Variants in SCHIP1 observed in about 807,000 individuals in gnomAD.
SCHIP1 encodes the protein schwannomin-interacting protein 1.
A neutral mutation model predicts 29.7 loss-of-function variants in SCHIP1; 8 were observed. That is an observed-to-expected ratio of 0.27 (90% CI 0.16 to 0.49). The LOEUF (loss-of-function observed/expected upper bound fraction) is 0.49, where lower values mean the gene tolerates loss of function less well. Ranked by LOEUF, SCHIP1 falls within the 20% of genes least tolerant of loss-of-function variation. SCHIP1 has a pLI of 0.99. For synonymous variants in SCHIP1, 76 were observed against 94.9 expected (o/e 0.80, Z 1.16); for missense variants, 193 against 294.6 (o/e 0.66, Z 2.52).
At chr3:159,761,800 AT>A in the SCHIP1 span, among the ~76,000 whole-genome samples, 1 of 152,088 alleles carries the variant, frequency 6.6e-6, no homozygotes, top group Non-Finnish European at 1.5e-5. Context: ...TTTGCCAAAC[AT>A]TTTTCTTAGG....
intron 1 of SCHIP1, among the ~76,000 whole-genome samples, chr3:159,856,232 T>C (rs1470415582): frequency 1.3e-5 from 2 of 152,156 alleles, no homozygotes; most frequent in East Asian, 3.9e-4. Flanking sequence ...CCCTCTCATG[T>C]TCCTGGCACT....
the SCHIP1 span, among the ~76,000 whole-genome samples, chr3:159,694,608 G>GGAAGGAAT: frequency 1.4e-5 from 2 of 141,366 alleles, no homozygotes; most frequent in African/African-American, 5.6e-5. Context: ...AAGAAAGAAA[G>GGAAGGAAT]GAATTATGAC....
At chr3:159,700,032 G>T in the SCHIP1 span, among the ~76,000 whole-genome samples, 1 of 152,174 alleles carries the variant, frequency 6.6e-6, no homozygotes, top group African/African-American at 2.4e-5. Context: ...TTCACAGGGT[G>T]CAGACCTCAG....
chr3:159,584,681 C>T, the SCHIP1 span, among the ~76,000 whole-genome samples: 1 of 152,034 alleles, frequency 6.6e-6, no homozygotes, highest in Non-Finnish European at 1.5e-5. Flanking sequence ...AGTGTGTGGT[C>T]CCCTAACCAG....
the SCHIP1 span, among the ~76,000 whole-genome samples, chr3:159,725,607 T>C: frequency 6.6e-6 from 1 of 152,170 alleles, no homozygotes; most frequent in African/African-American, 2.4e-5. Flanking sequence ...CAAGACTTCA[T>C]TTCTGCCCAC....
the SCHIP1 span, among the ~76,000 whole-genome samples, chr3:159,444,336 T>C: frequency 2.6e-5 from 4 of 152,096 alleles, no homozygotes; most frequent in Non-Finnish European, 5.9e-5. Context: ...CCCAAACACA[T>C]GCGAGGCATG....
At chr3:159,494,335 A>C in the SCHIP1 span, among the ~76,000 whole-genome samples, 1 of 152,208 alleles carries the variant, frequency 6.6e-6, no homozygotes, top group Admixed American at 6.5e-5. Flanking sequence ...TGAAAAGATC[A>C]ACAAAATTGA....
At chr3:159,300,198 C>T in the SCHIP1 span, among the ~76,000 whole-genome samples, 1 of 138,464 alleles carries the variant, frequency 7.2e-6, no homozygotes. Flanking sequence ...TCGTAGCTCA[C>T]TGCAGCTCAA....
At chr3:159,754,664 T>C in the SCHIP1 span, among the ~76,000 whole-genome samples, 20 of 152,260 alleles carry the variant, frequency 1.3e-4, no homozygotes, top group South Asian at 4.2e-4. Context: ...TAGGACACTT[T>C]TGAGAGTGAA....
chr3:159,662,349 C>A, the SCHIP1 span, among the ~76,000 whole-genome samples: 1 of 152,182 alleles, frequency 6.6e-6, no homozygotes, highest in African/African-American at 2.4e-5. Context: ...AGTAAAATTG[C>A]CTTGCTGAGA....
chr3:159,500,752 AC>A, the SCHIP1 span, among the ~76,000 whole-genome samples: 1 of 151,482 alleles, frequency 6.6e-6, no homozygotes, highest in South Asian at 2.1e-4. Flanking sequence ...AATATTATTG[AC>A]CCCCATATGC....
the SCHIP1 span, among the ~76,000 whole-genome samples, chr3:159,785,125 A>G: frequency 1.3e-5 from 2 of 152,352 alleles, no homozygotes; most frequent in South Asian, 2.1e-4. Context: ...AACCAGAGCT[A>G]GAGGTTATGA....
At chr3:159,558,663 C>A in the SCHIP1 span, among the ~76,000 whole-genome samples, 1 of 152,184 alleles carries the variant, frequency 6.6e-6, no homozygotes. Flanking sequence ...AAGTGGGCAC[C>A]TTTGCTCACA....
chr3:159,342,171 C>G, the SCHIP1 span, among the ~76,000 whole-genome samples: 10 of 152,124 alleles, frequency 6.6e-5, no homozygotes, highest in Non-Finnish European at 1.2e-4. Flanking sequence ...TGGAGTGGAA[C>G]AGAGGGTTCA....
At chr3:159,486,315 C>T in the SCHIP1 span, among the ~76,000 whole-genome samples, 2 of 152,164 alleles carry the variant, frequency 1.3e-5, no homozygotes, top group African/African-American at 4.8e-5. Context: ...CCCTCTTCCC[C>T]ATGTCCCAGT....
chr3:159,340,785 T>TG, the SCHIP1 span, among the ~76,000 whole-genome samples: 36 of 152,102 alleles, frequency 2.4e-4, no homozygotes, highest in East Asian at 3.9e-4. Context: ...CATTATAATT[T>TG]GGGGGGGCGC....
chr3:159,350,139 C>A, the SCHIP1 span, among the ~76,000 whole-genome samples: 2 of 152,120 alleles, frequency 1.3e-5, no homozygotes, highest in Non-Finnish European at 2.9e-5. Flanking sequence ...TTAGCTCCTG[C>A]ATTTTTTACA....
the SCHIP1 span, among the ~76,000 whole-genome samples, chr3:159,293,617 G>A: frequency 6.6e-6 from 1 of 152,174 alleles, no homozygotes; most frequent in Admixed American, 6.5e-5. Flanking sequence ...TTATAAATGA[G>A]CCAAAGAGCA....
At chr3:159,386,990 A>G in the SCHIP1 span, 1 of 157,420 alleles carries the variant, frequency 6.4e-6, no homozygotes, top group South Asian at 1.9e-4. Flanking sequence ...GGCCATCATC[A>G]GTAGCTTCTT....
Sources: gnomAD v4.1 joint callset for allele counts (sites outside exome capture counted in the v4.1 genomes callset) on GRCh38, gnomAD v4.1.1 for gene constraint, MANE v1.5 for transcripts, NCBI Gene and HGNC (gene_info 2026-07-23, HGNC 2026-07-21) for gene names.